The following SNTG1 variants were observed in gnomAD, a reference collection of about 807,000 sequenced individuals.
The protein encoded by SNTG1 is syntrophin gamma 1.
In SNTG1, 39 loss-of-function variants were observed where a neutral mutation model predicts 74.7. The observed-to-expected ratio is 0.52, with a 90% CI of 0.40 to 0.68. SNTG1 has a LOEUF of 0.68. Ranked by LOEUF, SNTG1 falls within the 30% of genes least tolerant of loss-of-function variation. The pLI, the probability that SNTG1 is intolerant of heterozygous loss-of-function variation, is 0.00. For synonymous variants in SNTG1, 254 were observed against 217.1 expected (o/e 1.17, Z -1.49); for missense variants, 685 against 609.5 (o/e 1.12, Z -1.30).
At chr8:50,390,350 C>T (rs1233440305) in intron 2 of SNTG1, among the ~76,000 whole-genome samples, 1 of 151,660 alleles carries the variant, frequency 6.6e-6, no homozygotes, top group African/African-American at 2.4e-5. Flanking sequence ...AATCGTTTCC[C>T]CATTTTTTGT....
chr8:50,683,790 C>T (rs551931847), intron 15 of SNTG1, among the ~76,000 whole-genome samples: 14 of 152,088 alleles, frequency 9.2e-5, no homozygotes, highest in South Asian at 2.1e-4. Context: ...ATAGCTAAAA[C>T]GTAGCACCTG....
chr8:50,427,576 C>T lies in SNTG1; in HGVS notation c.163-10967C>T, dbSNP rs529549678. ...AAGTAGCTTGGCCTACAGGTGCATA[C>T]CACCATGCTTAGCTAAGCTTTTTTA... is the stretch of plus-strand genomic sequence containing the variant. On this transcript the variant is annotated intron_variant, in intron 4 of 18. Coordinates refer to ENST00000642720, the MANE Select transcript of SNTG1 (RefSeq NM_018967.5). 2.6e-5 allele frequency among the ~76,000 whole-genome samples: 4 copies of T among 152,196 alleles called. No homozygotes were observed. In the South Asian group the frequency reaches 8.3e-4, roughly 32 times the overall value.
chr8:50,165,500 G>C (rs1336295630), intron 1 of SNTG1, among the ~76,000 whole-genome samples: 6 of 152,284 alleles, frequency 3.9e-5, no homozygotes, highest in African/African-American at 1.4e-4. Context: ...TCTCCAGATA[G>C]AGCTTTTGTA....
intron 1 of SNTG1, among the ~76,000 whole-genome samples, chr8:49,996,735 T>C (rs1234808480): frequency 2.0e-5 from 3 of 152,150 alleles, no homozygotes; most frequent in African/African-American, 7.2e-5. Flanking sequence ...ATTGTTCTAA[T>C]ATCTATCATT....
intron 11 of SNTG1, among the ~76,000 whole-genome samples, chr8:50,548,808 A>G (rs554192883): frequency 1.3e-5 from 2 of 152,320 alleles, no homozygotes; most frequent in African/African-American, 2.4e-5. Flanking sequence ...AACATTTGAA[A>G]TGGATTTTGA....
chr8:50,085,153 A>G (rs1822762035), intron 1 of SNTG1, among the ~76,000 whole-genome samples: 1 of 152,190 alleles, frequency 6.6e-6, no homozygotes, highest in South Asian at 2.1e-4. Flanking sequence ...AAGAATTTAG[A>G]TAAAGCCTCT....
At chr8:50,193,275 C>A (rs191371449) in intron 2 of SNTG1, among the ~76,000 whole-genome samples, 1 of 152,226 alleles carries the variant, frequency 6.6e-6, no homozygotes, top group Admixed American at 6.5e-5. Flanking sequence ...TTCTACCTAT[C>A]CATGAGCATG....
intron 1 of SNTG1, among the ~76,000 whole-genome samples, chr8:49,927,334 CTTGGAAGTAATCAAAA>C (rs1410235791): frequency 2.0e-5 from 3 of 152,192 alleles, no homozygotes; most frequent in African/African-American, 7.2e-5. Context: ...TAATACCAAG[CTTGGAAGTAATCAAAA>C]TATTCTGCAG....
At chr8:49,916,479 CTTATTATCACTTCA>C (rs1806048266) in intron 1 of SNTG1, among the ~76,000 whole-genome samples, 1 of 151,870 alleles carries the variant, frequency 6.6e-6, no homozygotes, top group African/African-American at 2.4e-5. Flanking sequence ...TGAATACTTG[CTTATTATCACTTCA>C]TCATATGTAA....
At chr8:50,640,575 C>T (rs1420325716) in intron 13 of SNTG1, among the ~76,000 whole-genome samples, 2 of 152,138 alleles carry the variant, frequency 1.3e-5, no homozygotes, top group Non-Finnish European at 2.9e-5. Flanking sequence ...CCACCATCCA[C>T]GATCTCAGAC....
At position 49,937,344 on chromosome 8, in the gene SNTG1, C is replaced by T. The variant is rs1018103134; in HGVS notation, c.-103+25113C>T. Among the ~76,000 whole-genome samples, 3 of 152,126 alleles carry T rather than the reference C, an allele frequency of 2.0e-5. No individual in the cohort carries two copies. In the South Asian group the frequency reaches 6.2e-4, roughly 31 times the overall value. ...CAGGAACGTCAGGAGAAAGGGATGA[C>T]ATAGAGGCCTGCGGGGACTTTTAGG... On this transcript the variant is annotated intron_variant, in intron 1 of 18. Coordinates refer to ENST00000642720, the MANE Select transcript of SNTG1 (RefSeq NM_018967.5).
chr8:50,328,119 T>C, intron 2 of SNTG1, among the ~76,000 whole-genome samples: 1 of 152,178 alleles, frequency 6.6e-6, no homozygotes, highest in Non-Finnish European at 1.5e-5. Flanking sequence ...CACTTATACC[T>C]TTTGTAATTA....
At chr8:50,344,224 G>T (rs1340883562) in intron 2 of SNTG1, among the ~76,000 whole-genome samples, 1 of 152,068 alleles carries the variant, frequency 6.6e-6, no homozygotes, top group Non-Finnish European at 1.5e-5. Context: ...ATTTTTGAAA[G>T]AAAGCAAAGC....
intron 2 of SNTG1, among the ~76,000 whole-genome samples, chr8:50,303,629 A>C (rs1203069627): frequency 6.6e-6 from 1 of 152,054 alleles, no homozygotes; most frequent in Non-Finnish European, 1.5e-5. Flanking sequence ...AGGTGAATTT[A>C]CAATGCATAT....
In SNTG1 at chr8:49,975,905, T is replaced by C. The variant is rs191580769; in HGVS notation, c.-103+63674T>C. Among the ~76,000 whole-genome samples, 261 of 152,274 alleles carry C rather than the reference T, an allele frequency of 1.7e-3. 2 individuals carry two copies. The highest frequency in any genetic ancestry group is 3.6e-3 in the Admixed American group (55 of 15,290). ...TTCAACATTTTTTCCTACTTATTTG[T>C]TTATTTTCATGTTGGTGGTGAATTA... On this transcript the variant is annotated intron_variant, in intron 1 of 18. Transcript: ENST00000642720.
intron 1 of SNTG1, among the ~76,000 whole-genome samples, chr8:50,017,689 G>A (rs1300839606): frequency 1.3e-5 from 2 of 151,788 alleles, no homozygotes; most frequent in African/African-American, 4.8e-5. Context: ...TTATAATGAT[G>A]AGTCAAAAAA....
intron 1 of SNTG1, among the ~76,000 whole-genome samples, chr8:50,015,899 A>G (rs1260958251): frequency 6.6e-6 from 1 of 152,152 alleles, no homozygotes; most frequent in Non-Finnish European, 1.5e-5. Context: ...TGGCAGATGA[A>G]GCAAAACTTC....
intron 1 of SNTG1, among the ~76,000 whole-genome samples, chr8:49,931,516 C>G (rs968407788): frequency 8.5e-5 from 13 of 152,120 alleles, no homozygotes; most frequent in Non-Finnish European, 7.4e-5. Context: ...ACAATATACC[C>G]ATGCAGCAAA....
chr8:50,188,120 T>C (rs1209395369), intron 2 of SNTG1, among the ~76,000 whole-genome samples: 3 of 152,160 alleles, frequency 2.0e-5, no homozygotes, highest in African/African-American at 7.2e-5. Context: ...CTGAATCCAC[T>C]TATTGACAAT....
Sources: gnomAD v4.1 joint callset for allele counts (sites outside exome capture counted in the v4.1 genomes callset) on GRCh38, gnomAD v4.1.1 for gene constraint, MANE v1.5 for transcripts, NCBI Gene and HGNC (gene_info 2026-07-23, HGNC 2026-07-21) for gene names.